The following ST18 variants were observed in gnomAD, a reference collection of about 807,000 sequenced individuals.
The protein encoded by ST18 is suppression of tumorigenicity 18 protein.
ST18 carries 50 observed loss-of-function variants against 110.0 expected under a neutral mutation model. The ratio of observed to expected loss-of-function variants is 0.45; its 90% CI spans 0.36 to 0.58. The LOEUF is 0.58. ST18 is among the 20% of genes least tolerant of loss of function. The pLI, the probability that ST18 is intolerant of heterozygous loss-of-function variation, is 0.00. For missense variants in ST18, 1,306 were observed against 1,280.1 expected (o/e 1.02, Z -0.31); for synonymous variants, 461 against 452.4 (o/e 1.02, Z -0.24).
intron 8 of ST18, chr8:52,194,356 A>G (rs1260392158): frequency 3.3e-5 from 5 of 152,226 alleles, no homozygotes. Context: ...GGCATTTGGC[A>G]TTCACCTTGA....
intron 2 of ST18, among the ~76,000 whole-genome samples, chr8:52,273,644 T>C (rs1156765620): frequency 2.6e-5 from 4 of 152,192 alleles, no homozygotes; most frequent in Non-Finnish European, 4.4e-5. Context: ...GTTTATAATA[T>C]GACACTGGCT....
chr8:52,328,891 AT>A (rs1159559020), intron 2 of ST18, among the ~76,000 whole-genome samples: 4 of 152,122 alleles, frequency 2.6e-5, no homozygotes, highest in African/African-American at 9.7e-5. Flanking sequence ...TACCACATCT[AT>A]TGGGGGTGCT....
rs58143223 is a variant in ST18 at position 52,154,999 on chromosome 8, C to G, written c.1806+3899G>C. 3 of 151,768 alleles carry G rather than the reference C, an allele frequency of 2.0e-5. No homozygotes were observed. The East Asian group carries it at 5.8e-4, about 29-fold the overall frequency. 9.4% of individuals were successfully genotyped at this position (151,768 alleles called of 1,614,324 possible). On this transcript the variant is annotated intron_variant, in intron 15 of 25. Transcript: ENST00000689386. ...GGCGGATCACCTGAGGTCAGGAGAT[C>G]GAGACCAGCCTGGCCAACATGGTGA...
intron 2 of ST18, among the ~76,000 whole-genome samples, chr8:52,245,617 T>C (rs531515201): frequency 2.2e-4 from 34 of 152,258 alleles, no homozygotes; most frequent in African/African-American, 7.9e-4. Flanking sequence ...AATAGTAATG[T>C]AAATATTTTC....
chr8:52,312,263 G>A (rs1236568541), intron 2 of ST18, among the ~76,000 whole-genome samples: 5 of 152,188 alleles, frequency 3.3e-5, no homozygotes, highest in Non-Finnish European at 5.9e-5. Flanking sequence ...CAGATGTGGA[G>A]AGGGGGCACC....
intron 2 of ST18, among the ~76,000 whole-genome samples, chr8:52,260,029 A>G (rs2094637189): frequency 6.6e-6 from 1 of 152,228 alleles, no homozygotes. Flanking sequence ...TTTTCTTCAA[A>G]TTGATGTCAT....
rs147369237 is a variant in ST18 at position 52,126,242 on chromosome 8, T to C, written c.2667-102A>G. On this transcript the variant is annotated intron_variant, in intron 22 of 25. Transcript: ENST00000689386. ...CTACTATTTGTGTTTTTGCTGCCGATTAATTACATTATAACCCACAGTCTC... is the reference window on the plus strand; with the variant it reads ...CTACTATTTGTGTTTTTGCTGCCGACTAATTACATTATAACCCACAGTCTC... 8.2e-6 allele frequency: 9 copies of C among 1,103,118 alleles called. No individual in the cohort carries two copies. The East Asian group carries it at 2.3e-4, about 28-fold the overall frequency. 68.3% of individuals were successfully genotyped at this position (1,103,118 alleles called of 1,614,324 possible). A position where few individuals can be genotyped will look rare whatever the true frequency, so the allele number is the denominator to read the frequency against.
chr8:52,162,457 G>C (rs1467945407), intron 13 of ST18, among the ~76,000 whole-genome samples: 1 of 152,140 alleles, frequency 6.6e-6, no homozygotes, highest in Admixed American at 6.5e-5. Context: ...TCCTGAATTG[G>C]GAGTTTCTTC....
intron 2 of ST18, among the ~76,000 whole-genome samples, chr8:52,337,694 A>G (rs113819243): frequency 1.8e-4 from 27 of 152,304 alleles, no homozygotes; most frequent in African/African-American, 6.3e-4. Flanking sequence ...AACTGCCTTT[A>G]TTGCTGATAG....
In ST18 at chr8:52,149,775, A is replaced by G. The variant is rs1373483767; in HGVS notation, c.2009T>C (p.Ile670Thr). ...LCDQEGWDTP[I>T]NYSKTHGKTE... Reference sequence around the variant, plus strand: ...CTTCCCGTGAGTTTTGCTATAGTTGATAGGAGTGTCCCAGCCCTCTTGGTC... The same window carrying G: ...CTTCCCGTGAGTTTTGCTATAGTTGGTAGGAGTGTCCCAGCCCTCTTGGTC... The change falls in exon 16 of 26, where the codon ATC becomes ACC. Residue 670 changes from isoleucine (I) to threonine (T), a missense_variant. Ile to Thr is a moderately conservative substitution (Grantham distance 89). Coordinates refer to ENST00000689386, the MANE Select transcript of ST18 (RefSeq NM_001352837.2). The G allele has an allele frequency of 6.2e-7, 1 of 1,614,122 alleles. No homozygotes were observed.
intron 2 of ST18, among the ~76,000 whole-genome samples, chr8:52,257,925 C>G (rs2094574396): frequency 1.3e-5 from 2 of 152,068 alleles, no homozygotes; most frequent in African/African-American, 4.8e-5. Flanking sequence ...TACATTTAGG[C>G]TTTTTATTCA....
At chr8:52,171,270 C>G (rs1398570030) in intron 10 of ST18, among the ~76,000 whole-genome samples, 1 of 152,194 alleles carries the variant, frequency 6.6e-6, no homozygotes, top group Non-Finnish European at 1.5e-5. Context: ...CAAAGCACAC[C>G]TACTCTCTCA....
chr8:52,278,513 C>G (rs1023399889), intron 2 of ST18, among the ~76,000 whole-genome samples: 20 of 152,186 alleles, frequency 1.3e-4, no homozygotes, highest in African/African-American at 4.6e-4. Flanking sequence ...AAGCCTAAAG[C>G]TATTCAATTT....
chr8:52,365,583 TAA>T (rs59065958), intron 2 of ST18, among the ~76,000 whole-genome samples: 13 of 151,000 alleles, frequency 8.6e-5, no homozygotes, highest in Middle Eastern at 3.4e-3. Context: ...GAAACTAGTT[TAA>T]AAAAAAAAAC....
rs977923065 is a variant in ST18 at position 52,143,018 on chromosome 8, A to T, written c.2080T>A (p.Leu694Ile). Residue 694 changes from leucine to isoleucine, a missense_variant, in exon 17 of 26, where the codon TTA becomes ATA. Coordinates refer to ENST00000689386, the MANE Select transcript of ST18 (RefSeq NM_001352837.2). ...EKDPVSSLEN[L>I]EEKKFPGEAS... ...TCTCCAGGAAACTTTTTTTCCTCTA[A>T]ATTTTCTAGAGAGCTCACTGGGTCT... 6.2e-7 allele frequency: 1 copy of T among 1,613,496 alleles called. No individual in the cohort carries two copies. The highest frequency in any genetic ancestry group is 1.3e-5 in the African/African-American group (1 of 74,874).
chr8:52,284,938 T>C (rs922604667), intron 2 of ST18, among the ~76,000 whole-genome samples: 2 of 152,100 alleles, frequency 1.3e-5, no homozygotes, highest in Non-Finnish European at 2.9e-5. Context: ...TCTGTCCACA[T>C]CAGAAGGCAC....
intron 6 of ST18, among the ~76,000 whole-genome samples, chr8:52,216,155 C>A (rs2136173662): frequency 6.6e-6 from 1 of 152,306 alleles, no homozygotes; most frequent in Admixed American, 6.5e-5. Context: ...GGACACAAAT[C>A]AAAATTTCAG....
At chr8:52,155,231 A>G (rs1433828997) in intron 15 of ST18, among the ~76,000 whole-genome samples, 1 of 152,104 alleles carries the variant, frequency 6.6e-6, no homozygotes, top group African/African-American at 2.4e-5. Context: ...TTAAATAAAT[A>G]AAGCTAATAC....
At chr8:52,342,571 G>A (rs192767441) in intron 2 of ST18, among the ~76,000 whole-genome samples, 17 of 152,252 alleles carry the variant, frequency 1.1e-4, no homozygotes, top group Middle Eastern at 3.4e-3. Flanking sequence ...AACCTTATGC[G>A]CCTCAGCCAG....
Sources: gnomAD v4.1 joint callset for allele counts (sites outside exome capture counted in the v4.1 genomes callset) on GRCh38, gnomAD v4.1.1 for gene constraint, MANE v1.5 for transcripts, NCBI Gene and HGNC (gene_info 2026-07-23, HGNC 2026-07-21) for gene names.